Variants in HHAT observed in about 807,000 individuals in gnomAD.
The protein encoded by HHAT is protein-cysteine N-palmitoyltransferase HHAT.
A neutral mutation model predicts 70.8 loss-of-function variants in HHAT; 47 were observed. The ratio of observed to expected loss-of-function variants is 0.66; its 90% CI spans 0.53 to 0.85. HHAT has a LOEUF of 0.85. Ranked by LOEUF, HHAT falls within the 40% of genes least tolerant of loss-of-function variation. HHAT has a pLI of 0.00. For synonymous variants in HHAT, 228 were observed against 247.6 expected, an observed-to-expected ratio of 0.92 and a Z score of 0.74; for missense variants, 609 against 604.8, an observed-to-expected ratio of 1.01 and a Z score of -0.07.
intron 1 of HHAT, among the ~76,000 whole-genome samples, chr1:210,333,210 A>G (rs1558297310): frequency 6.6e-6 from 1 of 152,198 alleles, no homozygotes; most frequent in Non-Finnish European, 1.5e-5. Context: ...TGAGTCTGCA[A>G]GCAATTGATT....
At chr1:210,616,343 C>T (rs1304511280) in intron 10 of HHAT, among the ~76,000 whole-genome samples, 1 of 152,094 alleles carries the variant, frequency 6.6e-6, no homozygotes, top group Non-Finnish European at 1.5e-5. Flanking sequence ...TCTCCAACAC[C>T]CCCTTTTCCC....
intron 3 of HHAT, among the ~76,000 whole-genome samples, chr1:210,365,114 C>T (rs1323990204): frequency 1.3e-5 from 2 of 152,052 alleles, no homozygotes; most frequent in African/African-American, 4.8e-5. Flanking sequence ...TCAAGATACT[C>T]CTTGCTGAAT....
Position 210,675,370 on chromosome 1 carries a change from C to G in HHAT, c.*991C>G, listed in dbSNP as rs1680944354. The G allele has an allele frequency of 6.6e-6, 1 of 152,090 alleles. No individual in the cohort carries two copies. Among genetic ancestry groups the G allele is most frequent in the Admixed American group, 6.5e-5 (1 of 15,282 alleles). 9.4% of individuals were successfully genotyped at this position (152,090 alleles called of 1,614,324 possible). Reference sequence around the variant, plus strand: ...AAAATGTTTAAAATCTAAATATACTCACATAACTTGATTATTCACTCCTCT... The same window carrying G: ...AAAATGTTTAAAATCTAAATATACTGACATAACTTGATTATTCACTCCTCT... On this transcript the variant is annotated 3_prime_UTR_variant, in exon 12 of 12. Transcript: ENST00000261458.
intron 10 of HHAT, among the ~76,000 whole-genome samples, chr1:210,605,482 T>G (rs910829958): frequency 1.3e-5 from 2 of 152,224 alleles, no homozygotes; most frequent in African/African-American, 4.8e-5. Flanking sequence ...TGGGTTTCGA[T>G]TGTGTCTCCT....
intron 3 of HHAT, chr1:210,374,231 G>C (rs111733511): frequency 2.0e-5 from 3 of 151,424 alleles, no homozygotes; most frequent in African/African-American, 2.4e-5. Context: ...TTTAGTAAAA[G>C]GCGAAAGATT....
chr1:210,650,509 G>GGT (rs1674918320), intron 11 of HHAT, among the ~76,000 whole-genome samples: 2 of 152,104 alleles, frequency 1.3e-5, no homozygotes, highest in Admixed American at 1.3e-4. Context: ...TTGAACTATA[G>GGT]GTGCATTCTC....
chr1:210,455,131 C>A (rs982649182), intron 7 of HHAT, among the ~76,000 whole-genome samples: 1 of 152,178 alleles, frequency 6.6e-6, no homozygotes, highest in Non-Finnish European at 1.5e-5. Context: ...TGACCGAGAC[C>A]ACCTCTGGGA....
chr1:210,398,768 C>T (rs1030596813), intron 4 of HHAT, among the ~76,000 whole-genome samples: 2 of 152,130 alleles, frequency 1.3e-5, no homozygotes, highest in Admixed American at 6.5e-5. Context: ...GTTAAAACTA[C>T]CTCTTAAAAT....
intron 1 of HHAT, among the ~76,000 whole-genome samples, chr1:210,335,059 C>T (rs1302635573): frequency 6.6e-6 from 1 of 152,068 alleles, no homozygotes; most frequent in Non-Finnish European, 1.5e-5. Context: ...GAGGCCAGCA[C>T]AATCTTGTTA....
At chr1:210,477,468 C>T (rs548186656) in intron 8 of HHAT, among the ~76,000 whole-genome samples, 66 of 152,254 alleles carry the variant, frequency 4.3e-4, no homozygotes, top group Non-Finnish European at 8.8e-4. Context: ...TGTAGGCATC[C>T]TTCTGTGGAT....
intron 8 of HHAT, among the ~76,000 whole-genome samples, chr1:210,465,483 G>A (rs920744963): frequency 2.0e-5 from 3 of 152,146 alleles, no homozygotes; most frequent in African/African-American, 4.8e-5. Flanking sequence ...CATAGGAGTC[G>A]GTGCCTTATT....
At chr1:210,386,222 C>CTTTTTTCT (rs1558409107) in intron 3 of HHAT, among the ~76,000 whole-genome samples, 6 of 69,888 alleles carry the variant, frequency 8.6e-5, no homozygotes, top group African/African-American at 3.2e-4. Flanking sequence ...GAGTCCTTTT[C>CTTTTTTCT]TTTTTTTCTT....
At chr1:210,383,992 G>C (rs2090857075) in intron 3 of HHAT, among the ~76,000 whole-genome samples, 1 of 152,060 alleles carries the variant, frequency 6.6e-6, no homozygotes, top group Non-Finnish European at 1.5e-5. Context: ...CTTGGTGCTG[G>C]GGGTCTTCCT....
chr1:210,486,532 C>T (rs1195665807), intron 8 of HHAT, among the ~76,000 whole-genome samples: 1 of 152,200 alleles, frequency 6.6e-6, no homozygotes, highest in African/African-American at 2.4e-5. Flanking sequence ...CTGCTAGCCA[C>T]AGGTAGAACT....
intron 7 of HHAT, among the ~76,000 whole-genome samples, chr1:210,460,201 A>G (rs955499601): frequency 5.3e-5 from 8 of 152,172 alleles, no homozygotes; most frequent in African/African-American, 1.7e-4. Flanking sequence ...TTCTATATCT[A>G]TTGGTCCTAG....
chr1:210,342,802 G>A (rs3765886), intron 1 of HHAT, among the ~76,000 whole-genome samples: 18,203 of 152,188 alleles, frequency 0.12, 1,584 homozygotes, highest in Admixed American at 0.27. Context: ...ACCTCTAAGG[G>A]CCTGGACATT....
intron 9 of HHAT, among the ~76,000 whole-genome samples, chr1:210,570,445 C>T (rs1655975686): frequency 6.6e-6 from 1 of 152,098 alleles, no homozygotes; most frequent in Non-Finnish European, 1.5e-5. Flanking sequence ...TACAGTGTAG[C>T]CCCTGGGAAC....
At chr1:210,560,092 A>G (rs2095607653) in intron 9 of HHAT, among the ~76,000 whole-genome samples, 1 of 152,086 alleles carries the variant, frequency 6.6e-6, no homozygotes, top group South Asian at 2.1e-4. Flanking sequence ...CTCCTTTCCC[A>G]CGAACTCTTA....
At chr1:210,636,211 A>G (rs1431616384) in intron 11 of HHAT, among the ~76,000 whole-genome samples, 3 of 152,184 alleles carry the variant, frequency 2.0e-5, no homozygotes, top group African/African-American at 7.2e-5. Flanking sequence ...GTGTGAAGGT[A>G]TCTTCCTCCA....
Sources: allele counts gnomAD v4.1 joint callset (sites outside exome capture counted in the v4.1 genomes callset), GRCh38; gene constraint gnomAD v4.1.1; transcripts MANE v1.5; gene names NCBI Gene and HGNC (gene_info 2026-07-23, HGNC 2026-07-21).